The following DENND1B variants were observed in gnomAD, a reference collection of about 807,000 sequenced individuals.
DENND1B encodes the protein DENN domain-containing protein 1B.
Under a neutral mutation model 90.1 loss-of-function variants are expected in DENND1B, and 59 were observed. That is an observed-to-expected ratio of 0.65 (90% confidence interval 0.53 to 0.81). The LOEUF (loss-of-function observed/expected upper bound fraction) is 0.81, where lower values mean the gene tolerates loss of function less well. Among genes scored for constraint, DENND1B ranks in the 40% least tolerant of loss-of-function variants. The pLI is 0.00. For synonymous variants in DENND1B, 337 were observed against 324.6 expected, an observed-to-expected ratio of 1.04 and a Z score of -0.41; for missense variants, 862 against 912.6, an observed-to-expected ratio of 0.94 and a Z score of 0.71.
chr1:197,646,589 A>G (rs1023305037), intron 8 of DENND1B, among the ~76,000 whole-genome samples: 77 of 152,166 alleles, frequency 5.1e-4, no homozygotes, highest in African/African-American at 1.6e-3. Context: ...ATATCTTATT[A>G]TTAATGATTA....
chr1:197,664,370 C>T (rs1654727612), intron 5 of DENND1B, among the ~76,000 whole-genome samples: 1 of 151,798 alleles, frequency 6.6e-6, no homozygotes, highest in Non-Finnish European at 1.5e-5. Flanking sequence ...GCACTCTTGC[C>T]AACATATATA....
intron 16 of DENND1B, among the ~76,000 whole-genome samples, chr1:197,548,648 G>A (rs1186106842): frequency 1.3e-5 from 2 of 151,862 alleles, no homozygotes; most frequent in Non-Finnish European, 1.5e-5. Flanking sequence ...TTTAATCCCC[G>A]GTTCATTATT....
chr1:197,621,282 C>G (rs1211018568), intron 10 of DENND1B, among the ~76,000 whole-genome samples: 1 of 147,192 alleles, frequency 6.8e-6, no homozygotes, highest in African/African-American at 2.5e-5. Flanking sequence ...TGAGAATATA[C>G]AAATTAAAGA....
Position 197,505,946 on chromosome 1 carries a change from A to G in DENND1B, c.*4514T>C, listed in dbSNP as rs1295772127. 1 of 151,336 alleles carries G rather than the reference A, an allele frequency of 6.6e-6. No individual in the cohort carries two copies. The highest frequency in any genetic ancestry group is 1.5e-5 in the Non-Finnish European group (1 of 67,610). 9.4% of individuals were successfully genotyped at this position (151,336 alleles called of 1,614,324 possible). On this transcript the variant is annotated 3_prime_UTR_variant, in exon 23 of 23. Coordinates refer to ENST00000620048, the MANE Select transcript of DENND1B (RefSeq NM_001195215.2). ...TTGTCAATCTAATCTAAGGTACAGGATTTTCTTATTGCATATTTATTGTTG... is the reference window on the plus strand; with the variant it reads ...TTGTCAATCTAATCTAAGGTACAGGGTTTTCTTATTGCATATTTATTGTTG...
intron 20 of DENND1B, among the ~76,000 whole-genome samples, chr1:197,538,104 G>C (rs1007266362): frequency 6.6e-6 from 1 of 151,666 alleles, no homozygotes; most frequent in Admixed American, 6.6e-5. Flanking sequence ...TTTAGGAAAT[G>C]TGTTTCTCCA....
At chr1:197,713,801 TTATAATATATTATATATAATATATTATA>T (rs1469792150) in intron 3 of DENND1B, among the ~76,000 whole-genome samples, 1 of 32,586 alleles carries the variant, frequency 3.1e-5, no homozygotes, top group South Asian at 1.3e-3. Context: ...TATTATTATA[TTATAATATATTATATATAATATATTATA>T]TATAATATAT....
chr1:197,520,235 G>C (rs1668677612), intron 20 of DENND1B, among the ~76,000 whole-genome samples: 1 of 151,820 alleles, frequency 6.6e-6, no homozygotes, highest in Non-Finnish European at 1.5e-5. Context: ...GCATACTACT[G>C]CCTTCCATGC....
At chr1:197,540,852 A>T in intron 19 of DENND1B, 107 bp downstream of exon 19, 1 of 1,016,476 alleles carries the variant, frequency 9.8e-7, no homozygotes, top group Non-Finnish European at 1.5e-6. Context: ...ACAAAGGGCT[A>T]AGCATATTTC....
chr1:197,612,625 C>T (rs938483100), intron 11 of DENND1B, among the ~76,000 whole-genome samples: 1 of 150,488 alleles, frequency 6.6e-6, no homozygotes, highest in African/African-American at 2.4e-5. Context: ...CAGATTTATC[C>T]AACTTTCACT....
chr1:197,768,743 A>G (rs1427560085), intron 2 of DENND1B, among the ~76,000 whole-genome samples: 1 of 152,064 alleles, frequency 6.6e-6, no homozygotes, highest in Non-Finnish European at 1.5e-5. Context: ...CTACTAACAC[A>G]TAGGGGACAC....
intron 7 of DENND1B, among the ~76,000 whole-genome samples, chr1:197,647,908 T>C (rs1191297073): frequency 2.0e-5 from 3 of 150,462 alleles, no homozygotes; most frequent in East Asian, 1.9e-4. Flanking sequence ...GATCACGCCA[T>C]TGTTTTCCAA....
chr1:197,637,732 G>A (rs867500826), intron 10 of DENND1B, among the ~76,000 whole-genome samples: 2 of 152,068 alleles, frequency 1.3e-5, no homozygotes, highest in African/African-American at 2.4e-5. Flanking sequence ...GGTTGCTTAC[G>A]GGTTTGGGGA....
chr1:197,776,941 A>T (rs957122549), upstream of DENND1B, among the ~76,000 whole-genome samples: 12 of 152,208 alleles, frequency 7.9e-5, no homozygotes, highest in African/African-American at 2.9e-4. Flanking sequence ...TCACATGAGC[A>T]GTGTGATGTT....
chr1:197,774,935 A>T (rs1269733330), intron 1 of DENND1B, among the ~76,000 whole-genome samples: 1 of 152,014 alleles, frequency 6.6e-6, no homozygotes, highest in Non-Finnish European at 1.5e-5. Context: ...AGGGCCGGGG[A>T]CGCAGGGCGG....
intron 2 of DENND1B, among the ~76,000 whole-genome samples, chr1:197,742,033 C>A (rs1175625368): frequency 6.6e-6 from 1 of 152,032 alleles, no homozygotes; most frequent in Non-Finnish European, 1.5e-5. Flanking sequence ...CCCTTTCAAT[C>A]CGTAAATTAG....
At chr1:197,598,416 CTG>C (rs1675903152) in intron 13 of DENND1B, among the ~76,000 whole-genome samples, 1 of 151,764 alleles carries the variant, frequency 6.6e-6, no homozygotes. Flanking sequence ...ATCAACCTGG[CTG>C]TGTTTCTGGT....
chr1:197,778,523 A>G (rs1657351993), upstream of DENND1B, among the ~76,000 whole-genome samples: 1 of 152,048 alleles, frequency 6.6e-6, no homozygotes, highest in Admixed American at 6.5e-5. Flanking sequence ...AAATACAAAA[A>G]TTAGCTGGGT....
intron 3 of DENND1B, among the ~76,000 whole-genome samples, chr1:197,675,819 C>T (rs1201525883): frequency 1.3e-5 from 2 of 152,012 alleles, no homozygotes; most frequent in East Asian, 3.9e-4. Context: ...TTCAATATCT[C>T]CCTCTAAATA....
chr1:197,635,462 G>A (rs1193396629), intron 10 of DENND1B, among the ~76,000 whole-genome samples: 2 of 150,842 alleles, frequency 1.3e-5, no homozygotes, highest in African/African-American at 4.9e-5. Context: ...TCAGCCTCCC[G>A]AGTATCTGGG....
Sources: allele counts gnomAD v4.1 joint callset (sites outside exome capture counted in the v4.1 genomes callset), GRCh38; gene constraint gnomAD v4.1.1; transcripts MANE v1.5; gene names NCBI Gene and HGNC (gene_info 2026-07-23, HGNC 2026-07-21).